SULT1C3: variants seen among roughly 807,000 people sequenced by gnomAD.
The protein encoded by SULT1C3 is sulfotransferase 1C3.
SULT1C3 carries 31 observed loss-of-function variants against 28.4 expected under a neutral mutation model. That is an observed-to-expected ratio of 1.09 (90% CI 0.82 to 1.47). The LOEUF is 1.47. Ranked by LOEUF, SULT1C3 falls within the 40% of genes most tolerant of loss-of-function variation. The pLI is 0.00. For synonymous variants in SULT1C3, 106 were observed against 92.2 expected, an observed-to-expected ratio of 1.15 and a Z score of -0.86; for missense variants, 307 against 272.5, an observed-to-expected ratio of 1.13 and a Z score of -0.89.
intron 1 of SULT1C3, among the ~76,000 whole-genome samples, chr2:108,244,635 C>A (rs2123695): frequency 0.26 from 39,013 of 151,984 alleles, 6,286 homozygotes; most frequent in South Asian, 0.39. Context: ...CATGAGAGGG[C>A]AAATAACTGA....
chr2:108,261,669 C>T (rs1474136401), downstream of SULT1C3, among the ~76,000 whole-genome samples: 2 of 151,966 alleles, frequency 1.3e-5, no homozygotes, highest in Non-Finnish European at 2.9e-5. Context: ...GACTTAAACT[C>T]AGAAATAAAA....
At chr2:108,263,190 G>A (rs1173870806), downstream of SULT1C3, among the ~76,000 whole-genome samples, 1 of 151,786 alleles carries the variant, frequency 6.6e-6, no homozygotes. Context: ...GGCCTGGGGA[G>A]TTTCTTCAGA....
chr2:108,260,255 C>CCA (rs1036003160), intron 7 of SULT1C3, among the ~76,000 whole-genome samples: 3 of 152,068 alleles, frequency 2.0e-5, no homozygotes, highest in Non-Finnish European at 4.4e-5. Context: ...TGATGGTAAC[C>CCA]AGCTGTAGAC....
chr2:108,250,240 A>G (rs1484187576), intron 2 of SULT1C3, among the ~76,000 whole-genome samples: 4 of 151,988 alleles, frequency 2.6e-5, no homozygotes, highest in African/African-American at 9.7e-5. Context: ...AAAACAAAAA[A>G]AAAATGTATT....
intron 5 of SULT1C3, among the ~76,000 whole-genome samples, chr2:108,257,675 T>C (rs1675908445): frequency 6.6e-6 from 1 of 152,078 alleles, no homozygotes. Flanking sequence ...TTATTATTAG[T>C]TTTGTTGTAA....
In SULT1C3 at chr2:108,260,722, A is replaced by T; in HGVS notation, c.*42A>T. The T allele has an allele frequency of 2.2e-6, 1 of 453,598 alleles. No homozygotes were observed. Among genetic ancestry groups the T allele is most frequent in the Admixed American group, 2.4e-5 (1 of 42,256 alleles). The allele number at this position is 453,598 out of a possible 1,614,324, so 28.1% of individuals were successfully genotyped here. A position where few individuals can be genotyped will look rare whatever the true frequency, so the allele number is the denominator to read the frequency against. ...CTAGGTGACAGAGACTATGCCAACT[A>T]TTTCGCCTTTTATTCTGTTGAGCAA... On this transcript the variant is annotated 3_prime_UTR_variant, in exon 8 of 8. Transcript: ENST00000681802.
At chr2:108,247,394 C>G in intron 2 of SULT1C3, 28 bp downstream of exon 2, 1 of 1,474,098 alleles carries the variant, frequency 6.8e-7, no homozygotes, top group Non-Finnish European at 9.1e-7. Context: ...TAAAAATATT[C>G]AATATTTTCA....
intron 7 of SULT1C3, 116 bp from the exon 8 acceptor site, chr2:108,260,452 C>A (rs746972956): frequency 1.4e-5 from 5 of 346,420 alleles, no homozygotes; most frequent in Non-Finnish European, 2.3e-5. Flanking sequence ...GGGAGTGGGA[C>A]TGAGGGACCC....
chr2:108,257,621 A>G (rs1475154380), intron 5 of SULT1C3, among the ~76,000 whole-genome samples: 4 of 152,122 alleles, frequency 2.6e-5, no homozygotes, highest in Non-Finnish European at 5.9e-5. Context: ...TTACATTCAC[A>G]TAGATGTAAA....
Position 108,260,726 on chromosome 2 carries a change from C to A in SULT1C3, c.*46C>A. The A allele has an allele frequency of 2.2e-6, 1 of 452,264 alleles. No individual in the cohort carries two copies. The highest frequency in any genetic ancestry group is 1.6e-5 in the South Asian group (1 of 63,530). The allele number at this position is 452,264 out of a possible 1,614,324, so 28.0% of individuals were successfully genotyped here. A position where few individuals can be genotyped will look rare whatever the true frequency, so the allele number is the denominator to read the frequency against. On this transcript the variant is annotated 3_prime_UTR_variant, in exon 8 of 8. Transcript: ENST00000681802. ...GTGACAGAGACTATGCCAACTATTTCGCCTTTTATTCTGTTGAGCAAGGAA... is the reference window on the plus strand; with the variant it reads ...GTGACAGAGACTATGCCAACTATTTAGCCTTTTATTCTGTTGAGCAAGGAA...
chr2:108,247,955 G>A (rs987574467), intron 2 of SULT1C3, among the ~76,000 whole-genome samples: 12 of 152,084 alleles, frequency 7.9e-5, no homozygotes, highest in East Asian at 1.9e-4. Context: ...ACTCACTTTC[G>A]ATAGGCCATT....
downstream of SULT1C3, chr2:108,264,695 T>C (rs1676092765): frequency 2.1e-6 from 2 of 944,878 alleles, no homozygotes; most frequent in South Asian, 1.8e-5. Context: ...TAGGAGTCAC[T>C]TGAGAAATAT....
downstream of SULT1C3, among the ~76,000 whole-genome samples, chr2:108,261,031 A>G (rs1012825460): frequency 2.6e-5 from 4 of 152,174 alleles, no homozygotes; most frequent in African/African-American, 9.7e-5. Context: ...AAAATTATGC[A>G]TAGGTATTAC....
At chr2:108,257,815 A>G (rs961704848) in intron 5 of SULT1C3, among the ~76,000 whole-genome samples, 3 of 152,074 alleles carry the variant, frequency 2.0e-5, no homozygotes, top group Non-Finnish European at 4.4e-5. Context: ...GTCATGTGAT[A>G]TATCCCCTGT....
At chr2:108,242,188 TAA>T (rs1675476942) in intron 1 of SULT1C3, among the ~76,000 whole-genome samples, 1 of 152,212 alleles carries the variant, frequency 6.6e-6, no homozygotes, top group Non-Finnish European at 1.5e-5. Flanking sequence ...CAATAATTCT[TAA>T]GAGTATTTTT....
At chr2:108,256,035 C>T (rs1675859744) in intron 5 of SULT1C3, among the ~76,000 whole-genome samples, 1 of 152,006 alleles carries the variant, frequency 6.6e-6, no homozygotes, top group Non-Finnish European at 1.5e-5. Context: ...CCTGCGGTTT[C>T]ATCTTGCAGT....
At chr2:108,241,003 G>C (rs1338384926) in intron 1 of SULT1C3, among the ~76,000 whole-genome samples, 2 of 152,192 alleles carry the variant, frequency 1.3e-5, no homozygotes, top group East Asian at 3.8e-4. Flanking sequence ...GCCCAGCCAT[G>C]GTTCGTATCC....
chr2:108,252,882 T>C (rs1002739447), intron 3 of SULT1C3, among the ~76,000 whole-genome samples: 4 of 152,000 alleles, frequency 2.6e-5, no homozygotes, highest in African/African-American at 9.7e-5. Context: ...GGATATACCG[T>C]GGACATTCCC....
chr2:108,245,052 T>C (rs907504986), intron 1 of SULT1C3, among the ~76,000 whole-genome samples: 1 of 152,164 alleles, frequency 6.6e-6, no homozygotes, highest in African/African-American at 2.4e-5. Context: ...GTCCTTTTAG[T>C]CTCCTTCCTT....
Sources: gnomAD v4.1 joint callset for allele counts (sites outside exome capture counted in the v4.1 genomes callset) on GRCh38, gnomAD v4.1.1 for gene constraint, MANE v1.5 for transcripts, NCBI Gene and HGNC (gene_info 2026-07-23, HGNC 2026-07-21) for gene names.